STXBP5L: variants seen among roughly 807,000 people sequenced by gnomAD.
The protein encoded by STXBP5L is syntaxin binding protein 5L.
STXBP5L carries 65 observed loss-of-function variants against 144.5 expected under a neutral mutation model. The observed-to-expected ratio is 0.45, with a 90% CI of 0.37 to 0.55. STXBP5L has a LOEUF of 0.55. Among genes scored for constraint, STXBP5L ranks in the 20% least tolerant of loss-of-function variants. STXBP5L has a pLI of 0.00. For missense variants in STXBP5L, 1,298 were observed against 1,405.5 expected (o/e 0.92, Z 1.22); for synonymous variants, 505 against 469.6 (o/e 1.08, Z -0.97).
At chr3:120,933,029 A>G (rs1010899909) in intron 2 of STXBP5L, among the ~76,000 whole-genome samples, 5 of 127,964 alleles carry the variant, frequency 3.9e-5, no homozygotes, top group African/African-American at 1.2e-4. Flanking sequence ...GGGGAACATC[A>G]CACACCAGGG....
intron 5 of STXBP5L, among the ~76,000 whole-genome samples, chr3:121,110,660 T>C (rs533353171): frequency 5.9e-5 from 9 of 152,294 alleles, no homozygotes; most frequent in African/African-American, 2.2e-4. Context: ...GCCCTTAATA[T>C]TTTGTCTTTC....
rs570756612 is a variant in STXBP5L at position 121,346,111 on chromosome 3, GACCCC to G, written c.2176+27574_2176+27578del. On this transcript the variant is annotated intron_variant, in intron 20 of 26. Coordinates refer to ENST00000471454, the MANE Select transcript of STXBP5L (RefSeq NM_001308330.2). ...TAATGCTATCCCTCTCCCCTCCCCC[GACCCC>G]ACAACAGGCCCCAGGGTGTGATGTT... 9.5e-5 allele frequency among the ~76,000 whole-genome samples: 5 copies of G among 52,816 alleles called. 1 individual carries two copies. In the South Asian group the frequency reaches 2.8e-3, roughly 29 times the overall value. The allele number at this position is 52,816 out of a possible 152,430, so 34.6% of individuals were successfully genotyped here. A position where few individuals can be genotyped will look rare whatever the true frequency, so the allele number is the denominator to read the frequency against.
At position 121,055,153 on chromosome 3, in the gene STXBP5L, T is replaced by C. The variant is rs775317520; in HGVS notation, c.470+9618T>C. Among the ~76,000 whole-genome samples the C allele has an allele frequency of 2.4e-4, 36 of 152,208 alleles. 1 individual carries two copies. The highest frequency in any genetic ancestry group is 7.3e-5 in the Non-Finnish European group (5 of 68,042). On this transcript the variant is annotated intron_variant, in intron 5 of 26. Transcript: ENST00000471454. ...AAAGATAAATGTGATATTTATCTCT[T>C]AAGAAAGATACATACATATTGTCAT...
At chr3:121,350,293 C>G (rs1335885315) in intron 20 of STXBP5L, among the ~76,000 whole-genome samples, 1 of 152,156 alleles carries the variant, frequency 6.6e-6, no homozygotes, top group East Asian at 1.9e-4. Flanking sequence ...GGCCTCCACT[C>G]TCTTCTGGCT....
At chr3:121,044,540 A>T (rs73187496) in intron 4 of STXBP5L, among the ~76,000 whole-genome samples, 5,407 of 152,250 alleles carry the variant, frequency 0.036, 145 homozygotes, top group Middle Eastern at 0.082. Context: ...ATCTCTGGAC[A>T]ACCAAGGTTC....
intron 19 of STXBP5L, among the ~76,000 whole-genome samples, chr3:121,312,285 A>G (rs2108513639): frequency 6.6e-6 from 1 of 151,850 alleles, no homozygotes; most frequent in East Asian, 1.9e-4. Flanking sequence ...AGGCATGGGC[A>G]AGGACTTCAT....
intron 2 of STXBP5L, among the ~76,000 whole-genome samples, chr3:120,914,641 T>C (rs1709013869): frequency 1.3e-5 from 2 of 152,112 alleles, no homozygotes; most frequent in Admixed American, 6.5e-5. Context: ...TAAGCGGTTT[T>C]GCAACTGAGA....
chr3:121,238,182 A>C (rs937714959), intron 12 of STXBP5L, among the ~76,000 whole-genome samples: 1 of 151,772 alleles, frequency 6.6e-6, no homozygotes, highest in Non-Finnish European at 1.5e-5. Context: ...CTAGTAATTT[A>C]TTTTTTTTCA....
rs377152475 is a variant in STXBP5L, at chr3:121,403,091, T to C, written c.2588-4152T>C. On this transcript the variant is annotated intron_variant, in intron 22 of 26. Coordinates refer to ENST00000471454, the MANE Select transcript of STXBP5L (RefSeq NM_001308330.2). ...CATGTGTCCTCTTTTATTGAGAAAA[T>C]TGAAACAATCAGATAAAAACTTCAA... 5.9e-5 allele frequency among the ~76,000 whole-genome samples: 9 copies of C among 152,128 alleles called. No individual in the cohort carries two copies. In the East Asian group the frequency reaches 1.2e-3, roughly 20 times the overall value.
chr3:121,236,245 T>C (rs1393917165), intron 12 of STXBP5L, among the ~76,000 whole-genome samples: 1 of 152,244 alleles, frequency 6.6e-6, no homozygotes, highest in Non-Finnish European at 1.5e-5. Context: ...AACCTACATA[T>C]GACACACATC....
chr3:120,959,984 G>T (rs906037460), intron 3 of STXBP5L, among the ~76,000 whole-genome samples: 35 of 152,018 alleles, frequency 2.3e-4, no homozygotes, highest in African/African-American at 8.2e-4. Flanking sequence ...TAGAATGGAA[G>T]AAAATTTTTG....
At chr3:121,314,795 A>G (rs1178976766) in intron 19 of STXBP5L, among the ~76,000 whole-genome samples, 1 of 152,226 alleles carries the variant, frequency 6.6e-6, no homozygotes, top group African/African-American at 2.4e-5. Flanking sequence ...CAAGAAAAAA[A>G]CAAACAACCC....
chr3:121,051,149 C>G (rs1366582609), intron 5 of STXBP5L, among the ~76,000 whole-genome samples: 1 of 152,142 alleles, frequency 6.6e-6, no homozygotes, highest in African/African-American at 2.4e-5. Context: ...GACTTTAACA[C>G]CCCACTGTCA....
At chr3:120,917,984 A>G (rs187514293) in intron 2 of STXBP5L, among the ~76,000 whole-genome samples, 1 of 152,314 alleles carries the variant, frequency 6.6e-6, no homozygotes, top group East Asian at 1.9e-4. Flanking sequence ...GCTAAAATTA[A>G]TGTGTTCACA....
chr3:120,990,717 C>A (rs1942762098), intron 3 of STXBP5L, among the ~76,000 whole-genome samples: 1 of 152,212 alleles, frequency 6.6e-6, no homozygotes, highest in Middle Eastern at 3.4e-3. Context: ...GTGACAAAAA[C>A]AAGAAATGGG....
intron 20 of STXBP5L, chr3:121,357,724 T>C (rs1409815147): frequency 6.6e-6 from 1 of 152,250 alleles, no homozygotes; most frequent in Non-Finnish European, 1.5e-5. Flanking sequence ...CCAAGACTGC[T>C]GCTGAAGGCT....
In STXBP5L at chr3:120,994,317, G is replaced by A. The variant is rs1448668261; in HGVS notation, c.287+39280G>A. On this transcript the variant is annotated intron_variant, in intron 3 of 26. Transcript: ENST00000471454. ...CTAATTGCTCTGGCTAGAATTTTCA[G>A]TACTATGTTTTATGGATGTGGTGAA... 2.0e-5 allele frequency among the ~76,000 whole-genome samples: 3 copies of A among 152,016 alleles called. No homozygotes were observed. The East Asian group carries it at 5.8e-4, about 29-fold the overall frequency.
intron 11 of STXBP5L, among the ~76,000 whole-genome samples, chr3:121,226,504 A>G (rs1258248130): frequency 6.6e-6 from 1 of 152,262 alleles, no homozygotes; most frequent in East Asian, 1.9e-4. Context: ...ATAGTATCCT[A>G]TGGGTACGGT....
intron 3 of STXBP5L, among the ~76,000 whole-genome samples, chr3:120,972,709 G>T (rs1277882412): frequency 6.6e-6 from 1 of 151,908 alleles, no homozygotes; most frequent in African/African-American, 2.4e-5. Context: ...TGGATTTGTT[G>T]TATACAGCTT....
Sources: gnomAD v4.1 joint callset for allele counts (sites outside exome capture counted in the v4.1 genomes callset) on GRCh38, gnomAD v4.1.1 for gene constraint, MANE v1.5 for transcripts, NCBI Gene and HGNC (gene_info 2026-07-23, HGNC 2026-07-21) for gene names.